IMPACT: variants seen among roughly 807,000 people sequenced by gnomAD.
IMPACT encodes the protein protein IMPACT.
In IMPACT, 35 loss-of-function variants were observed where a neutral mutation model predicts 47.5. The observed-to-expected ratio is 0.74, with a 90% CI of 0.56 to 0.98. The LOEUF (loss-of-function observed/expected upper bound fraction) is 0.98, where lower values mean the gene tolerates loss of function less well. Among genes scored for constraint, IMPACT ranks in the 50% least tolerant of loss-of-function variants. IMPACT has a pLI of 0.00. For synonymous variants in IMPACT, 118 were observed against 125.6 expected (o/e 0.94, Z 0.40); for missense variants, 373 against 394.8 (o/e 0.94, Z 0.47).
chr18:24,428,917 T>C lies in IMPACT; in HGVS notation c.214T>C (p.Leu72=). ...AGGTACAGCTCCACCTATCTACCAG[T>C]TGAAGTAAGCTGTATTTCTACGTTT... ...YPGTAPPIYQ[L]NAPWLKGQER... Residue 72 remains leucine, a synonymous_variant, in exon 3 of 11, where the codon TTG becomes CTG. Transcript: ENST00000284202. 3 of 1,605,362 alleles carry C rather than the reference T, an allele frequency of 1.9e-6. No homozygotes were observed. Among genetic ancestry groups the C allele is most frequent in the Non-Finnish European group, 2.6e-6 (3 of 1,172,960 alleles).
At chr18:24,434,911 T>TGC (rs1908881709) in intron 4 of IMPACT, among the ~76,000 whole-genome samples, 1 of 26,856 alleles carries the variant, frequency 3.7e-5, no homozygotes, top group Non-Finnish European at 6.8e-5. Flanking sequence ...TATATGTGTG[T>TGC]GTATATATAT....
At chr18:24,449,316 A>G (rs1449015868) in intron 9 of IMPACT, among the ~76,000 whole-genome samples, 6 of 152,192 alleles carry the variant, frequency 3.9e-5, no homozygotes, top group Non-Finnish European at 8.8e-5. Flanking sequence ...CAGTGAGCCA[A>G]GATTGTGCCA....
At position 24,443,115 on chromosome 18, in the gene IMPACT, T is replaced by C. The variant is rs1310982133; in HGVS notation, c.557T>C (p.Phe186Ser). ...GIPITDRRST[F>S]QAHLAPVVCP... ...CCTATTACAGACCGAAGAAGTACTT[T>C]TCAGGCACACTTGGCTCCAGTGGTT... Residue 186 changes from phenylalanine (F) to serine (S), a missense_variant, in exon 7 of 11, where the codon TTT (phenylalanine) becomes TCT (serine). Physicochemically the swap from Phe to Ser is radical, Grantham distance 155. Coordinates refer to ENST00000284202, the MANE Select transcript of IMPACT (RefSeq NM_018439.4). 3 of 1,607,350 alleles carry C rather than the reference T, an allele frequency of 1.9e-6. No individual in the cohort carries two copies. The highest frequency in any genetic ancestry group is 2.6e-6 in the Non-Finnish European group (3 of 1,175,366).
chr18:24,430,249 G>A, intron 3 of IMPACT, 73 bp from the exon 4 acceptor site: 1 of 1,028,646 alleles, frequency 9.7e-7, no homozygotes, highest in Non-Finnish European at 1.4e-6. Flanking sequence ...AAATTTATTT[G>A]TGATGTAATC....
In IMPACT at chr18:24,442,136, G is replaced by A. The variant is rs114240176; in HGVS notation, c.491-913G>A. Among the ~76,000 whole-genome samples the A allele has an allele frequency of 6.8e-3, 1,016 of 149,652 alleles. 17 individuals carry two copies. The highest frequency in any genetic ancestry group is 0.023 in the African/African-American group (943 of 40,782). On this transcript the variant is annotated intron_variant, in intron 6 of 10. Coordinates refer to ENST00000284202, the MANE Select transcript of IMPACT (RefSeq NM_018439.4). The stretch of plus-strand genomic sequence containing the variant: ...ATTAAGTCTCTCAACAGAATTGAGG[G>A]TTAATTAGTGATTCTTTTTTTTTTT...
intron 8 of IMPACT, 58 bp from the exon 9 acceptor site, chr18:24,448,035 A>C: frequency 3.1e-6 from 3 of 962,208 alleles, no homozygotes; most frequent in Non-Finnish European, 4.9e-6. Context: ...ATGTTGAGGA[A>C]TAAGTTTTAT....
chr18:24,450,901 A>T lies in IMPACT; in HGVS notation c.*54A>T. The stretch of plus-strand genomic sequence containing the variant: ...GCCTATAATTATATATACATTCCAT[A>T]GTCATCAAGGAATATATTGTGCAGA... On this transcript the variant is annotated 3_prime_UTR_variant, in exon 11 of 11. Coordinates refer to ENST00000284202, the MANE Select transcript of IMPACT (RefSeq NM_018439.4). The T allele has an allele frequency of 9.4e-7, 1 of 1,062,496 alleles. No homozygotes were observed. The highest frequency in any genetic ancestry group is 1.4e-6 in the Non-Finnish European group (1 of 694,702). The allele number at this position is 1,062,496 out of a possible 1,614,324, so 65.8% of individuals were successfully genotyped here. A position where few individuals can be genotyped will look rare whatever the true frequency, so the allele number is the denominator to read the frequency against.
chr18:24,442,406 G>T (rs1361000224), intron 6 of IMPACT, among the ~76,000 whole-genome samples: 1 of 152,030 alleles, frequency 6.6e-6, no homozygotes, highest in African/African-American at 2.4e-5. Context: ...CACTCCCTCG[G>T]CCTCCCAAAG....
At chr18:24,436,172 T>A (rs1342266893) in intron 4 of IMPACT, among the ~76,000 whole-genome samples, 1 of 152,232 alleles carries the variant, frequency 6.6e-6, no homozygotes, top group Non-Finnish European at 1.5e-5. Context: ...GTGTCTGTTT[T>A]CTCATCTGTA....
intron 7 of IMPACT, among the ~76,000 whole-genome samples, 181 bp downstream of exon 7, chr18:24,443,333 T>C (rs1401251377): frequency 6.6e-6 from 1 of 152,158 alleles, no homozygotes; most frequent in Non-Finnish European, 1.5e-5. Flanking sequence ...TTTCTGTTTG[T>C]CTCTGCTTTC....
chr18:24,430,511 G>A (rs1169724986), intron 4 of IMPACT, 127 bp downstream of exon 4: 5 of 611,510 alleles, frequency 8.2e-6, no homozygotes, highest in Non-Finnish European at 2.8e-6. Flanking sequence ...TAACAAAAAG[G>A]ACTCACTTGA....
intron 1 of IMPACT, chr18:24,427,266 T>G: frequency 6.3e-6 from 1 of 159,598 alleles, no homozygotes; most frequent in Non-Finnish European, 1.4e-5. Flanking sequence ...CATAAGTCTT[T>G]TCCTACAGGG....
At chr18:24,450,442 A>G (rs1328065292) in intron 10 of IMPACT, among the ~76,000 whole-genome samples, 1 of 152,180 alleles carries the variant, frequency 6.6e-6, no homozygotes, top group East Asian at 1.9e-4. Context: ...AGGTATGTTC[A>G]TATCTGCCTT....
chr18:24,451,037 T>G lies in IMPACT; in HGVS notation c.*190T>G. ...ATAGAGAACTTATGATCTATTCATG[T>G]GTGTTTCAGGCTTATTTGGGAGAAC... On this transcript the variant is annotated 3_prime_UTR_variant, in exon 11 of 11. Transcript: ENST00000284202. 2.3e-6 allele frequency: 1 copy of G among 432,670 alleles called. No individual in the cohort carries two copies. The highest frequency in any genetic ancestry group is 3.7e-5 in the East Asian group (1 of 26,888). 26.8% of individuals were successfully genotyped at this position (432,670 alleles called of 1,614,324 possible). A position where few individuals can be genotyped will look rare whatever the true frequency, so the allele number is the denominator to read the frequency against.
intron 5 of IMPACT, among the ~76,000 whole-genome samples, chr18:24,440,236 C>T: frequency 6.6e-6 from 1 of 151,928 alleles, no homozygotes; most frequent in East Asian, 1.9e-4. Flanking sequence ...TTTAAGAGCC[C>T]CTTCAGGTTA....
chr18:24,426,729 G>A lies in IMPACT; in HGVS notation c.-28G>A. On this transcript the variant is annotated 5_prime_UTR_variant, in exon 1 of 11. Transcript: ENST00000284202. ...CCCCGCGCTCCGGACCTGGCAGGCGGCGGCTGCAGGGCAGGTCCAGGGGCC... is the reference window on the plus strand; with the variant it reads ...CCCCGCGCTCCGGACCTGGCAGGCGACGGCTGCAGGGCAGGTCCAGGGGCC... 1 of 1,245,764 alleles carries A rather than the reference G, an allele frequency of 8.0e-7. No homozygotes were observed. Among genetic ancestry groups the A allele is most frequent in the Non-Finnish European group, 1.0e-6 (1 of 994,640 alleles). The allele number at this position is 1,245,764 out of a possible 1,614,324, so 77.2% of individuals were successfully genotyped here.
intron 2 of IMPACT, 30 bp from the exon 3 acceptor site, chr18:24,428,839 T>C: frequency 6.3e-7 from 1 of 1,586,050 alleles, no homozygotes; most frequent in Non-Finnish European, 8.6e-7. Flanking sequence ...TGATGAAGTG[T>C]AAACAGATGT....
At chr18:24,450,134 G>C (rs538061101) in intron 10 of IMPACT, among the ~76,000 whole-genome samples, 181 bp downstream of exon 10, 1 of 152,136 alleles carries the variant, frequency 6.6e-6, no homozygotes, top group Non-Finnish European at 1.5e-5. Flanking sequence ...ACTTTGGACC[G>C]ATCACTTAAT....
chr18:24,433,665 ATT>A (rs34462493), intron 4 of IMPACT, among the ~76,000 whole-genome samples: 147 of 90,534 alleles, frequency 1.6e-3, no homozygotes, highest in South Asian at 1.5e-3. Context: ...GTGTGACAGC[ATT>A]TTTTTTTTTT....
Sources: allele counts gnomAD v4.1 joint callset (sites outside exome capture counted in the v4.1 genomes callset), GRCh38; gene constraint gnomAD v4.1.1; transcripts MANE v1.5; gene names NCBI Gene and HGNC (gene_info 2026-07-23, HGNC 2026-07-21).